BACH2: variants seen among roughly 807,000 people sequenced by gnomAD.
BACH2 encodes the protein transcription regulator protein BACH2.
A neutral mutation model predicts 61.8 loss-of-function variants in BACH2; 5 were observed. The observed-to-expected ratio is 0.08, with a 90% confidence interval of 0.04 to 0.17. BACH2 has a LOEUF of 0.17. Ranked by LOEUF, BACH2 falls within the 10% of genes least tolerant of loss-of-function variation. The pLI is 1.00. For missense variants in BACH2, 824 were observed against 1,091.1 expected, an observed-to-expected ratio of 0.76 and a Z score of 3.45; for synonymous variants, 446 against 440.1, an observed-to-expected ratio of 1.01 and a Z score of -0.17.
chr6:90,252,097 T>C (rs1015756385), intron 3 of BACH2, among the ~76,000 whole-genome samples: 2 of 152,092 alleles, frequency 1.3e-5, no homozygotes, highest in African/African-American at 2.4e-5. Context: ...AAAACTGGAG[T>C]AGCCAGCCTG....
chr6:90,136,865 A>C (rs921729896), intron 4 of BACH2, among the ~76,000 whole-genome samples: 1 of 151,924 alleles, frequency 6.6e-6, no homozygotes, highest in Non-Finnish European at 1.5e-5. Context: ...TAAATCCTAC[A>C]AAGAAATAGG....
chr6:90,103,781 C>A (rs1782781222), intron 4 of BACH2, among the ~76,000 whole-genome samples: 1 of 152,188 alleles, frequency 6.6e-6, no homozygotes, highest in African/African-American at 2.4e-5. Context: ...TTAGGGAAGT[C>A]TGAATCCTAT....
At chr6:90,195,064 A>G (rs1261366194) in intron 4 of BACH2, among the ~76,000 whole-genome samples, 3 of 152,216 alleles carry the variant, frequency 2.0e-5, no homozygotes, top group Non-Finnish European at 2.9e-5. Context: ...TTCAATCTCT[A>G]TTGGAATTCA....
chr6:89,997,070 C>G (rs187215339), intron 6 of BACH2, among the ~76,000 whole-genome samples: 147 of 151,934 alleles, frequency 9.7e-4, no homozygotes, highest in African/African-American at 3.5e-3. Flanking sequence ...TTTTTTGGTG[C>G]CTCTCTCCCA....
At chr6:90,106,597 G>A (rs1269475642) in intron 4 of BACH2, among the ~76,000 whole-genome samples, 2 of 152,128 alleles carry the variant, frequency 1.3e-5, no homozygotes, top group Non-Finnish European at 2.9e-5. Context: ...GCCTAATGAC[G>A]TACTTCTCAG....
chr6:90,123,577 C>G (rs538309637), intron 4 of BACH2, among the ~76,000 whole-genome samples: 1 of 151,238 alleles, frequency 6.6e-6, no homozygotes, highest in Non-Finnish European at 1.5e-5. Flanking sequence ...GAGACCATCC[C>G]AGCTAAAACG....
intron 2 of BACH2, among the ~76,000 whole-genome samples, chr6:90,259,237 G>A (rs866306072): frequency 1.2e-4 from 18 of 152,148 alleles, no homozygotes; most frequent in Non-Finnish European, 1.9e-4. Flanking sequence ...ACACAGAGAA[G>A]CTTTCCTTCT....
intron 8 of BACH2, among the ~76,000 whole-genome samples, chr6:89,934,537 T>C (rs970658552): frequency 2.6e-5 from 4 of 152,106 alleles, no homozygotes; most frequent in Non-Finnish European, 5.9e-5. Flanking sequence ...TGCGTGCTTA[T>C]AATCCCAGCT....
intron 4 of BACH2, among the ~76,000 whole-genome samples, chr6:90,200,022 A>C (rs915933106): frequency 2.6e-5 from 4 of 152,114 alleles, no homozygotes; most frequent in African/African-American, 9.7e-5. Context: ...TGTTTATGTG[A>C]GTTGTTTCTA....
intron 6 of BACH2, among the ~76,000 whole-genome samples, chr6:89,997,745 C>T (rs1776929625): frequency 6.6e-6 from 1 of 152,184 alleles, no homozygotes; most frequent in African/African-American, 2.4e-5. Flanking sequence ...AGAAGGGTTT[C>T]TCTGGATAGA....
intron 4 of BACH2, among the ~76,000 whole-genome samples, chr6:90,131,664 G>T (rs116937427): frequency 1.3e-5 from 2 of 152,064 alleles, no homozygotes; most frequent in African/African-American, 4.8e-5. Context: ...ATTTTTGGGC[G>T]GGCTGAACTA....
chr6:90,265,668 A>G (rs998415987), intron 2 of BACH2, among the ~76,000 whole-genome samples: 3 of 152,206 alleles, frequency 2.0e-5, no homozygotes, highest in African/African-American at 7.2e-5. Flanking sequence ...CATTTTCCCA[A>G]TGAGAAATCC....
chr6:90,207,696 T>C (rs984176775), intron 3 of BACH2, among the ~76,000 whole-genome samples: 3 of 152,068 alleles, frequency 2.0e-5, no homozygotes, highest in African/African-American at 7.2e-5. Flanking sequence ...TTAATTATAA[T>C]ATATTAAGAC....
intron 3 of BACH2, among the ~76,000 whole-genome samples, chr6:90,216,270 G>A (rs922655770): frequency 1.3e-5 from 2 of 152,114 alleles, no homozygotes; most frequent in Admixed American, 6.5e-5. Flanking sequence ...CCTTATTAAC[G>A]AGAGTTTCAG....
At chr6:89,994,708 A>G (rs1427870143) in intron 6 of BACH2, among the ~76,000 whole-genome samples, 2 of 152,232 alleles carry the variant, frequency 1.3e-5, no homozygotes, top group Non-Finnish European at 2.9e-5. Context: ...TCATTGTTCC[A>G]GTACTATGCC....
chr6:90,133,906 G>A (rs1784185541), intron 4 of BACH2, among the ~76,000 whole-genome samples: 1 of 152,196 alleles, frequency 6.6e-6, no homozygotes, highest in Non-Finnish European at 1.5e-5. Context: ...ATTCCATGGT[G>A]TATATGTGCC....
intron 5 of BACH2, among the ~76,000 whole-genome samples, chr6:90,074,987 T>C (rs1781408438): frequency 6.6e-6 from 1 of 152,168 alleles, no homozygotes; most frequent in Non-Finnish European, 1.5e-5. Context: ...CCGTTTTAGA[T>C]GTTGTTAAAT....
intron 6 of BACH2, among the ~76,000 whole-genome samples, chr6:89,958,085 G>A (rs1213375757): frequency 6.6e-6 from 1 of 152,032 alleles, no homozygotes; most frequent in Non-Finnish European, 1.5e-5. Context: ...TCCCCTATTT[G>A]TAAGTTTTAC....
intron 4 of BACH2, among the ~76,000 whole-genome samples, chr6:90,117,267 AC>A (rs761264937): frequency 6.6e-6 from 1 of 150,472 alleles, no homozygotes; most frequent in Non-Finnish European, 1.5e-5. Context: ...ATCTTTCACC[AC>A]TCCTCCTACC....
Sources: allele counts gnomAD v4.1 joint callset (sites outside exome capture counted in the v4.1 genomes callset), GRCh38; gene constraint gnomAD v4.1.1; transcripts MANE v1.5; gene names NCBI Gene and HGNC (gene_info 2026-07-23, HGNC 2026-07-21).